HERPUD2: variants seen among roughly 807,000 people sequenced by gnomAD.
HERPUD2 encodes the protein homocysteine-responsive endoplasmic reticulum-resident ubiquitin-like domain member 2 protein.
Under a neutral mutation model 49.9 loss-of-function variants are expected in HERPUD2, and 13 were observed. The ratio of observed to expected loss-of-function variants is 0.26; its 90% CI spans 0.17 to 0.41. The LOEUF is 0.41. Among genes scored for constraint, HERPUD2 ranks in the 10% least tolerant of loss-of-function variants. The probability of loss-of-function intolerance (pLI) is 1.00; values close to 1 mark genes in which losing one functional copy is unlikely to be tolerated. For missense variants in HERPUD2, 449 were observed against 492.2 expected, an observed-to-expected ratio of 0.91 and a Z score of 0.83; for synonymous variants, 172 against 171.4, an observed-to-expected ratio of 1.00 and a Z score of -0.03.
chr7:35,677,830 AGAG>A (rs891312638), intron 2 of HERPUD2, among the ~76,000 whole-genome samples: 12 of 152,348 alleles, frequency 7.9e-5, no homozygotes, highest in African/African-American at 2.9e-4. Flanking sequence ...GGTCTTGTGT[AGAG>A]GAGTTGGACT....
intron 2 of HERPUD2, among the ~76,000 whole-genome samples, chr7:35,682,824 G>GC (rs1785944031): frequency 8.6e-6 from 1 of 116,482 alleles, no homozygotes; most frequent in African/African-American, 3.0e-5. Flanking sequence ...TACAACAGCT[G>GC]CAAAAAAAAA....
chr7:35,644,073 A>G (rs1028580800), intron 5 of HERPUD2, among the ~76,000 whole-genome samples: 3 of 152,208 alleles, frequency 2.0e-5, no homozygotes. Flanking sequence ...ATAAGTAATT[A>G]TGCTAATTCA....
At chr7:35,659,268 C>A (rs1010430331) in intron 5 of HERPUD2, among the ~76,000 whole-genome samples, 3 of 152,174 alleles carry the variant, frequency 2.0e-5, no homozygotes, top group Non-Finnish European at 4.4e-5. Flanking sequence ...TAAGTCAAAT[C>A]ATGTTCATTG....
rs1430273030 is a variant in HERPUD2, at chr7:35,688,277, A to G, written c.147+5907T>C. ...AACCCTGAAAATTCAGAAACACTAT[A>G]AATAGAGGCACAGTCACCCAAACTG... On this transcript the variant is annotated intron_variant, in intron 2 of 8. Transcript: ENST00000311350. Among the ~76,000 whole-genome samples the G allele has an allele frequency of 2.0e-5, 3 of 152,210 alleles. No homozygotes were observed. In the East Asian group the frequency reaches 5.8e-4, roughly 29 times the overall value.
chr7:35,676,486 C>T (rs13232215), intron 2 of HERPUD2, among the ~76,000 whole-genome samples: 25,728 of 152,096 alleles, frequency 0.17, 2,695 homozygotes, highest in Middle Eastern at 0.23. Context: ...TGCTCTCAGG[C>T]ACAAAATGCC....
chr7:35,636,513 A>G (rs1461021798), intron 6 of HERPUD2, among the ~76,000 whole-genome samples: 1 of 152,244 alleles, frequency 6.6e-6, no homozygotes, highest in Non-Finnish European at 1.5e-5. Flanking sequence ...AGCAGCAAGC[A>G]TAATAAGCCC....
intron 5 of HERPUD2, among the ~76,000 whole-genome samples, chr7:35,639,116 C>T (rs1336090185): frequency 6.6e-6 from 1 of 151,694 alleles, no homozygotes; most frequent in Admixed American, 6.6e-5. Context: ...GAAACCTCTG[C>T]CTCCTGGATT....
At chr7:35,666,169 G>A (rs1297125271) in intron 5 of HERPUD2, among the ~76,000 whole-genome samples, 1 of 152,160 alleles carries the variant, frequency 6.6e-6, no homozygotes, top group Admixed American at 6.5e-5. Context: ...TGAGAACACT[G>A]CTTTTTACAA....
chr7:35,668,166 T>G (rs1476806288), intron 4 of HERPUD2, among the ~76,000 whole-genome samples: 1 of 152,222 alleles, frequency 6.6e-6, no homozygotes, highest in East Asian at 1.9e-4. Flanking sequence ...TCTCAGAGTT[T>G]CCACTTTCCT....
intron 2 of HERPUD2, among the ~76,000 whole-genome samples, chr7:35,689,367 A>G (rs771502594): frequency 7.2e-5 from 11 of 152,246 alleles, no homozygotes; most frequent in Admixed American, 5.9e-4. Flanking sequence ...TTAAAATCTT[A>G]TAAGACAATA....
intron 2 of HERPUD2, among the ~76,000 whole-genome samples, chr7:35,692,389 TCTC>T (rs1786212915): frequency 6.6e-6 from 1 of 152,204 alleles, no homozygotes; most frequent in African/African-American, 2.4e-5. Flanking sequence ...AATGTAAAGA[TCTC>T]GCCTACGTAC....
intron 5 of HERPUD2, among the ~76,000 whole-genome samples, chr7:35,643,881 C>A (rs1260855734): frequency 1.3e-5 from 2 of 149,394 alleles, no homozygotes; most frequent in African/African-American, 2.4e-5. Flanking sequence ...TATAACCACA[C>A]AGAGAATTAT....
chr7:35,649,048 A>G (rs557009197), intron 5 of HERPUD2, among the ~76,000 whole-genome samples: 1 of 152,110 alleles, frequency 6.6e-6, no homozygotes, highest in East Asian at 1.9e-4. Context: ...TCAGGAGATC[A>G]AGACCATCCT....
chr7:35,660,043 A>T (rs1410303008), intron 5 of HERPUD2, among the ~76,000 whole-genome samples: 1 of 151,832 alleles, frequency 6.6e-6, no homozygotes, highest in Non-Finnish European at 1.5e-5. Context: ...CAACCCCACA[A>T]CAGGCCCCAG....
chr7:35,690,797 G>A (rs548072706), intron 2 of HERPUD2, among the ~76,000 whole-genome samples: 10 of 145,142 alleles, frequency 6.9e-5, no homozygotes, highest in African/African-American at 2.0e-4. Flanking sequence ...AAACAAAAGC[G>A]AAACTCCGTC....
intron 2 of HERPUD2, among the ~76,000 whole-genome samples, chr7:35,685,540 G>C (rs1786019861): frequency 6.6e-6 from 1 of 151,506 alleles, no homozygotes; most frequent in African/African-American, 2.4e-5. Context: ...TGACCAGGCT[G>C]GTCTCGAACT....
rs1562682159 is a variant in HERPUD2 at position 35,673,124 on chromosome 7, G to A, written c.225+77C>T. On this transcript the variant is annotated intron_variant, in intron 3 of 8. Coordinates refer to ENST00000311350, the MANE Select transcript of HERPUD2 (RefSeq NM_022373.5). ...TTTTAAGTATCTAAAAACTGAACTG[G>A]TTGAATAAAATTTCAGAACATATCT... is the stretch of plus-strand genomic sequence containing the variant. 6.4e-6 allele frequency: 7 copies of A among 1,099,234 alleles called. No homozygotes were observed. In the East Asian group the frequency reaches 1.4e-4, roughly 23 times the overall value. 68.1% of individuals were successfully genotyped at this position (1,099,234 alleles called of 1,614,324 possible).
chr7:35,665,779 G>A (rs1330470099), intron 5 of HERPUD2, among the ~76,000 whole-genome samples: 1 of 152,194 alleles, frequency 6.6e-6, no homozygotes, highest in Admixed American at 6.5e-5. Flanking sequence ...ACTTCGAAGA[G>A]CTGAATGCTT....
intron 2 of HERPUD2, among the ~76,000 whole-genome samples, chr7:35,692,454 C>A (rs1223370671): frequency 6.6e-6 from 1 of 152,174 alleles, no homozygotes; most frequent in Non-Finnish European, 1.5e-5. Context: ...CTATGACTTT[C>A]AATTGACTAT....
Sources: allele counts gnomAD v4.1 joint callset (sites outside exome capture counted in the v4.1 genomes callset), GRCh38; gene constraint gnomAD v4.1.1; transcripts MANE v1.5; gene names NCBI Gene and HGNC (gene_info 2026-07-23, HGNC 2026-07-21).